The following RGS20 variants were observed in gnomAD, a reference collection of about 807,000 sequenced individuals.
RGS20 encodes the protein regulator of G protein signaling 20.
RGS20 carries 30 observed loss-of-function variants against 33.6 expected under a neutral mutation model. The ratio of observed to expected loss-of-function variants is 0.89; its 90% confidence interval spans 0.67 to 1.21. The LOEUF (loss-of-function observed/expected upper bound fraction) is 1.21. Ranked by LOEUF, RGS20 falls within the 50% of genes most tolerant of loss-of-function variation. The probability of loss-of-function intolerance (pLI) is 0.00; values close to 1 mark genes in which losing one functional copy is unlikely to be tolerated. For synonymous variants in RGS20, 208 were observed against 197.9 expected (o/e 1.05, Z -0.43); for missense variants, 472 against 502.4 (o/e 0.94, Z 0.58).
At chr8:53,928,899 A>G (rs1046359624) in intron 2 of RGS20, among the ~76,000 whole-genome samples, 2 of 152,196 alleles carry the variant, frequency 1.3e-5, no homozygotes, top group African/African-American at 4.8e-5. Context: ...ACCATCAAAA[A>G]GGTCTAAGTC....
intron 1 of RGS20, among the ~76,000 whole-genome samples, chr8:53,854,814 A>C (rs1330073600): frequency 6.6e-6 from 1 of 152,212 alleles, no homozygotes; most frequent in Non-Finnish European, 1.5e-5. Flanking sequence ...CCAACCCTGT[A>C]TGCCAATGTC....
At chr8:53,943,314 A>G (rs1318033708) in intron 3 of RGS20, among the ~76,000 whole-genome samples, 2 of 152,158 alleles carry the variant, frequency 1.3e-5, no homozygotes, top group African/African-American at 2.4e-5. Flanking sequence ...GTAAATGGCA[A>G]TTTCTTTTCT....
chr8:53,911,807 G>A (rs1813354701), intron 2 of RGS20, among the ~76,000 whole-genome samples: 1 of 152,124 alleles, frequency 6.6e-6, no homozygotes, highest in Non-Finnish European at 1.5e-5. Context: ...TGGTCATGGT[G>A]GTGTGTGCCG....
intron 5 of RGS20, among the ~76,000 whole-genome samples, chr8:53,957,293 G>A (rs1305992248): frequency 1.3e-5 from 2 of 152,090 alleles, no homozygotes; most frequent in African/African-American, 2.4e-5. Flanking sequence ...TGCCCAGCTA[G>A]TATTTTTTAT....
intron 2 of RGS20, among the ~76,000 whole-genome samples, chr8:53,893,458 G>C (rs1280091564): frequency 6.6e-6 from 1 of 152,160 alleles, no homozygotes; most frequent in African/African-American, 2.4e-5. Flanking sequence ...TGTCCCCAAG[G>C]CCTTGGACTT....
At chr8:53,949,483 A>T (rs1814649528) in intron 4 of RGS20, among the ~76,000 whole-genome samples, 2 of 151,868 alleles carry the variant, frequency 1.3e-5, no homozygotes, top group Non-Finnish European at 1.5e-5. Context: ...TTGGAAGGTC[A>T]AAGCATGCGG....
intron 1 of RGS20, among the ~76,000 whole-genome samples, chr8:53,860,682 C>G (rs1363754941): frequency 1.3e-5 from 2 of 152,112 alleles, no homozygotes; most frequent in Non-Finnish European, 2.9e-5. Context: ...ATCCATCAGC[C>G]CTGCTGAGCG....
rs930002006 is a variant in RGS20, at chr8:53,907,433, C to T, written c.510+27831C>T. ...AATCTGTCTCTACTGAAAATATAAACATTAGCTTGGCATGGTGGCACGAGC... is the reference window on the plus strand; with the variant it reads ...AATCTGTCTCTACTGAAAATATAAATATTAGCTTGGCATGGTGGCACGAGC... On this transcript the variant is annotated intron_variant, in intron 2 of 5. Coordinates refer to ENST00000297313, the MANE Select transcript of RGS20 (RefSeq NM_170587.4). 5.9e-5 allele frequency among the ~76,000 whole-genome samples: 9 copies of T among 151,712 alleles called. No individual in the cohort carries two copies. The South Asian group carries it at 1.0e-3, about 18-fold the overall frequency.
At chr8:53,928,186 A>G (rs1283184389) in intron 2 of RGS20, among the ~76,000 whole-genome samples, 1 of 152,232 alleles carries the variant, frequency 6.6e-6, no homozygotes, top group African/African-American at 2.4e-5. Context: ...GTCAACTTCA[A>G]TAATTATCAA....
intron 2 of RGS20, among the ~76,000 whole-genome samples, chr8:53,894,766 G>C (rs1282729905): frequency 3.9e-5 from 6 of 152,148 alleles, no homozygotes; most frequent in African/African-American, 1.4e-4. Context: ...TAATAAATGG[G>C]ATCTCAAAAT....
chr8:53,913,071 T>G (rs547304551), intron 2 of RGS20, among the ~76,000 whole-genome samples: 1 of 152,068 alleles, frequency 6.6e-6, no homozygotes, highest in East Asian at 1.9e-4. Context: ...GTTCAAGCAA[T>G]TCTCCTGCCT....
At chr8:53,863,638 G>T (rs779746403) in intron 1 of RGS20, among the ~76,000 whole-genome samples, 1 of 151,842 alleles carries the variant, frequency 6.6e-6, no homozygotes, top group Non-Finnish European at 1.5e-5. Context: ...GCAAGATGAT[G>T]ACATAAAGGG....
intron 2 of RGS20, among the ~76,000 whole-genome samples, chr8:53,907,838 T>C (rs146937489): frequency 1.3e-5 from 2 of 152,200 alleles, no homozygotes; most frequent in African/African-American, 2.4e-5. Context: ...TAAAGGTCAT[T>C]ACCGGCTACC....
intron 2 of RGS20, among the ~76,000 whole-genome samples, chr8:53,923,040 T>A (rs1285189692): frequency 6.6e-6 from 1 of 152,166 alleles, no homozygotes; most frequent in African/African-American, 2.4e-5. Flanking sequence ...TATACTACCT[T>A]AATTCTAGTA....
chr8:53,947,340 A>G (rs1814527720), intron 4 of RGS20, among the ~76,000 whole-genome samples: 1 of 138,472 alleles, frequency 7.2e-6, no homozygotes, highest in Non-Finnish European at 1.5e-5. Flanking sequence ...TATATATAAG[A>G]TAGTATATAT....
intron 2 of RGS20, among the ~76,000 whole-genome samples, chr8:53,914,246 G>A (rs780035083): frequency 6.6e-6 from 1 of 152,082 alleles, no homozygotes; most frequent in Non-Finnish European, 1.5e-5. Flanking sequence ...GCCTGGGCTG[G>A]TCTTGAACTC....
At chr8:53,934,733 T>G (rs894254845) in intron 2 of RGS20, among the ~76,000 whole-genome samples, 16 of 152,194 alleles carry the variant, frequency 1.1e-4, no homozygotes, top group African/African-American at 3.6e-4. Flanking sequence ...TATTCAGGAC[T>G]TGAACTCAGC....
chr8:53,947,329 CTATA>C (rs200433734), intron 4 of RGS20, among the ~76,000 whole-genome samples: 1 of 134,720 alleles, frequency 7.4e-6, no homozygotes. Context: ...ATTATATATG[CTATA>C]TATAAGATAG....
chr8:53,853,253 AT>A (rs1318338355), intron 1 of RGS20, among the ~76,000 whole-genome samples: 2 of 152,266 alleles, frequency 1.3e-5, no homozygotes, highest in Non-Finnish European at 2.9e-5. Context: ...GCTGTTGTAT[AT>A]GTGTGTATGT....
Sources: gnomAD v4.1 joint callset for allele counts (sites outside exome capture counted in the v4.1 genomes callset) on GRCh38, gnomAD v4.1.1 for gene constraint, MANE v1.5 for transcripts, NCBI Gene and HGNC (gene_info 2026-07-23, HGNC 2026-07-21) for gene names.